Variants in AOPEP observed in about 807,000 individuals in gnomAD.
The protein encoded by AOPEP is aminopeptidase O.
AOPEP carries 77 observed loss-of-function variants against 98.1 expected under a neutral mutation model. The ratio of observed to expected loss-of-function variants is 0.78; its 90% CI spans 0.65 to 0.95. The LOEUF (loss-of-function observed/expected upper bound fraction) is 0.95, where lower values mean the gene tolerates loss of function less well. AOPEP is among the 40% of genes least tolerant of loss of function. AOPEP has a pLI of 0.00. For missense variants in AOPEP, 1,024 were observed against 1,024.7 expected, an observed-to-expected ratio of 1.00 and a Z score of 0.01; for synonymous variants, 346 against 365.3, an observed-to-expected ratio of 0.95 and a Z score of 0.60.
chr9:95,009,345 T>C (rs1183103600), intron 13 of AOPEP, among the ~76,000 whole-genome samples: 1 of 152,144 alleles, frequency 6.6e-6, no homozygotes, highest in Non-Finnish European at 1.5e-5. Flanking sequence ...AGGATTAGAA[T>C]GTATAGTAGA....
chr9:94,727,788 T>G (rs950376438), intron 1 of AOPEP, among the ~76,000 whole-genome samples: 80 of 152,298 alleles, frequency 5.3e-4, no homozygotes, highest in Non-Finnish European at 8.8e-4. Flanking sequence ...GGGGACAAAG[T>G]AGAATAAGGT....
chr9:94,953,372 T>C (rs1465453747), intron 7 of AOPEP, among the ~76,000 whole-genome samples: 2 of 152,204 alleles, frequency 1.3e-5, no homozygotes, highest in African/African-American at 4.8e-5. Flanking sequence ...TTCATCATCA[T>C]CTTTCCTTTA....
At chr9:94,949,981 C>A (rs2057983246) in intron 7 of AOPEP, among the ~76,000 whole-genome samples, 1 of 152,184 alleles carries the variant, frequency 6.6e-6, no homozygotes, top group South Asian at 2.1e-4. Context: ...AAGGAGCAAG[C>A]TTAAAGACCA....
intron 5 of AOPEP, among the ~76,000 whole-genome samples, chr9:94,834,840 A>G (rs1460536445): frequency 6.6e-6 from 1 of 152,036 alleles, no homozygotes; most frequent in Non-Finnish European, 1.5e-5. Flanking sequence ...ATACATACAT[A>G]CATACATACA....
intron 13 of AOPEP, among the ~76,000 whole-genome samples, chr9:95,026,284 C>T (rs2063829805): frequency 6.6e-6 from 1 of 152,200 alleles, no homozygotes; most frequent in Non-Finnish European, 1.5e-5. Context: ...ACCATCACCA[C>T]AATCTAGTTT....
chr9:95,083,354 C>T (rs958740497), intron 16 of AOPEP, among the ~76,000 whole-genome samples: 10 of 143,060 alleles, frequency 7.0e-5, no homozygotes, highest in African/African-American at 1.3e-4. Flanking sequence ...CACCACACAG[C>T]GCACGCACCA....
intron 15 of AOPEP, 25 bp downstream of exon 15, chr9:95,080,805 G>C (rs750953312): frequency 5.1e-5 from 78 of 1,519,588 alleles, no homozygotes; most frequent in Middle Eastern, 5.1e-4. Context: ...TCAGCAGATG[G>C]GGATTCTGTA....
intron 13 of AOPEP, among the ~76,000 whole-genome samples, chr9:95,056,701 G>A (rs747564584): frequency 6.6e-6 from 1 of 152,158 alleles, no homozygotes. Flanking sequence ...AGCTTGCGTC[G>A]ACTCTGAAGT....
At chr9:95,091,741 G>A (rs553708127), downstream of AOPEP, among the ~76,000 whole-genome samples, 4 of 152,298 alleles carry the variant, frequency 2.6e-5, no homozygotes, top group South Asian at 6.2e-4. Flanking sequence ...CTGATCACCC[G>A]ATAGGCATTC....
chr9:95,105,512 T>A, the AOPEP span, among the ~76,000 whole-genome samples: 1 of 152,258 alleles, frequency 6.6e-6, no homozygotes, highest in Non-Finnish European at 1.5e-5. Flanking sequence ...AGTATTTTTT[T>A]AAATTGTGGT....
chr9:95,046,802 C>T (rs929765271), intron 13 of AOPEP, among the ~76,000 whole-genome samples: 1 of 152,112 alleles, frequency 6.6e-6, no homozygotes, highest in African/African-American at 2.4e-5. Context: ...ACCTGATTTT[C>T]TTAGTTTTAA....
chr9:95,009,180 A>C (rs750833214), intron 13 of AOPEP, among the ~76,000 whole-genome samples: 3 of 152,058 alleles, frequency 2.0e-5, no homozygotes, highest in Non-Finnish European at 2.9e-5. Context: ...CTAAATGGCT[A>C]TTGGTTTTGG....
chr9:94,900,860 C>T (rs1415192993), intron 5 of AOPEP: 3 of 152,144 alleles, frequency 2.0e-5, no homozygotes, highest in Non-Finnish European at 4.4e-5. Context: ...AACAAAATCA[C>T]GAAGCTTTGC....
At position 94,792,870 on chromosome 9, in the gene AOPEP, A is replaced by T. The variant is rs1272976949; in HGVS notation, c.1070A>T (p.Asn357Ile). 6.2e-7 allele frequency: 1 copy of T among 1,613,610 alleles called. No individual in the cohort carries two copies. Among genetic ancestry groups the T allele is most frequent in the Non-Finnish European group, 8.5e-7 (1 of 1,179,726 alleles). ...TEMKMETWSS[N>I]DLATERPFSP... ...ATGAAGATGGAGACATGGTCATCAA[A>T]TGATTTGGCAACAGAGAGACCCTTC... Residue 357 changes from asparagine (N) to isoleucine (I), a missense_variant, in exon 4 of 17, where the codon AAT becomes ATT. Asn to Ile is a moderately radical substitution (Grantham distance 149). Transcript: ENST00000375315.
intron 5 of AOPEP, among the ~76,000 whole-genome samples, chr9:94,867,830 G>A (rs1391869585): frequency 6.6e-6 from 1 of 152,158 alleles, no homozygotes; most frequent in Admixed American, 6.5e-5. Context: ...TTATATACTG[G>A]TGCAGTCACT....
At chr9:94,844,406 A>G (rs55926255) in intron 5 of AOPEP, among the ~76,000 whole-genome samples, 118,925 of 152,204 alleles carry the variant, frequency 0.78, 47,947 homozygotes, top group Non-Finnish European at 0.89. Context: ...GTACAATGTG[A>G]TGTTTCAGTG....
rs777211502 is a variant in AOPEP, at chr9:94,924,099, G to A, written c.1478G>A (p.Arg493Gln). The change falls in exon 6 of 17, where the codon CGA becomes CAA. Residue 493 changes from arginine to glutamine, a missense_variant. Coordinates refer to ENST00000375315, the MANE Select transcript of AOPEP (RefSeq NM_001193329.3). ...HAWFGLAIGA[R>Q]DWTEEWLSEG... ...TGGTTTGGCCTAGCCATCGGGGCCC[G>A]AGACTGGACGGAGGAGTGGCTGAGT... 1.1e-5 allele frequency: 17 copies of A among 1,513,740 alleles called. No individual in the cohort carries two copies. The highest frequency in any genetic ancestry group is 4.3e-5 in the Admixed American group (2 of 46,480). 93.8% of individuals were successfully genotyped at this position (1,513,740 alleles called of 1,614,324 possible).
chr9:95,143,197 T>C, the AOPEP span, among the ~76,000 whole-genome samples: 52 of 152,314 alleles, frequency 3.4e-4, no homozygotes, highest in African/African-American at 1.3e-3. Flanking sequence ...AAGAGATGCA[T>C]GGGGCCAGGC....
chr9:95,142,820 G>A, the AOPEP span, among the ~76,000 whole-genome samples: 52 of 152,278 alleles, frequency 3.4e-4, no homozygotes, highest in South Asian at 5.0e-3. Context: ...CCACTACTTA[G>A]AAGCTGTTTT....
Sources: allele counts gnomAD v4.1 joint callset (sites outside exome capture counted in the v4.1 genomes callset), GRCh38; gene constraint gnomAD v4.1.1; transcripts MANE v1.5; gene names NCBI Gene and HGNC (gene_info 2026-07-23, HGNC 2026-07-21).